Variants in TENM2 observed in about 807,000 individuals in gnomAD.
TENM2 encodes the protein teneurin transmembrane protein 2, also known as teneurin-2.
Under a neutral mutation model 245.2 loss-of-function variants are expected in TENM2, and 52 were observed. The ratio of observed to expected loss-of-function variants is 0.21; its 90% CI spans 0.17 to 0.27. The LOEUF (loss-of-function observed/expected upper bound fraction) is 0.27. TENM2 is among the 10% of genes least tolerant of loss of function. The pLI, the probability that TENM2 is intolerant of heterozygous loss-of-function variation, is 1.00. For synonymous variants in TENM2, 1,363 were observed against 1,438.9 expected, an observed-to-expected ratio of 0.95 and a Z score of 1.19; for missense variants, 3,046 against 3,666.8, an observed-to-expected ratio of 0.83 and a Z score of 4.37.
intron 5 of TENM2, among the ~76,000 whole-genome samples, chr5:168,022,735 T>C (rs941820007): frequency 2.0e-5 from 3 of 152,242 alleles, no homozygotes; most frequent in Non-Finnish European, 4.4e-5. Flanking sequence ...GTATAGTGTT[T>C]CTTTTTATTT....
At chr5:167,063,482 G>T in the TENM2 span, among the ~76,000 whole-genome samples, 1 of 152,186 alleles carries the variant, frequency 6.6e-6, no homozygotes, top group African/African-American at 2.4e-5. Flanking sequence ...ATTTTCAAAT[G>T]TTCTCTAATA....
chr5:168,228,740 C>T (rs1764510565), intron 25 of TENM2, among the ~76,000 whole-genome samples: 1 of 89,284 alleles, frequency 1.1e-5, no homozygotes, highest in Non-Finnish European at 1.8e-5. Flanking sequence ...GAAGATTTCC[C>T]AAGAGGAAGT....
At chr5:168,128,495 T>A (rs1796015788) in intron 12 of TENM2, among the ~76,000 whole-genome samples, 1 of 152,258 alleles carries the variant, frequency 6.6e-6, no homozygotes, top group Non-Finnish European at 1.5e-5. Flanking sequence ...TCCTACTTTC[T>A]TTTAATTCAC....
In TENM2 at chr5:168,244,892, C is replaced by T; in HGVS notation, c.5817+176C>T. ...TCAAGTAATTCTCCTGCCTGTGCCT[C>T]CTGGGTAGCTGTGACTACAGGCACA... On this transcript the variant is annotated intron_variant, in intron 26 of 28. Coordinates refer to ENST00000518659, the Ensembl canonical transcript of TENM2. This position sits in a 1 kb window ranked among gnomAD's most constrained non-coding sequence, Gnocchi z 4.9. Among the ~76,000 whole-genome samples, 1 of 151,948 alleles carries T rather than the reference C, an allele frequency of 6.6e-6. No individual in the cohort carries two copies. The highest frequency in any genetic ancestry group is 1.9e-4 in the East Asian group (1 of 5,162).
At position 167,740,377 on chromosome 5, in the gene TENM2, G is replaced by A. The variant is rs536978365; in HGVS notation, c.503-135609G>A. On this transcript the variant is annotated intron_variant, in intron 2 of 28. Transcript: ENST00000518659. ...CTGAACTACACTGAATAGAACTTGG[G>A]AAACCTCGTGCACCCAGAACTGATA... Among the ~76,000 whole-genome samples, 133 of 152,262 alleles carry A rather than the reference G, an allele frequency of 8.7e-4. No individual in the cohort carries two copies. The Middle Eastern group carries it at 0.01, about 12-fold the overall frequency.
At chr5:167,897,136 CA>C (rs995567043) in intron 3 of TENM2, among the ~76,000 whole-genome samples, 3 of 152,212 alleles carry the variant, frequency 2.0e-5, no homozygotes, top group African/African-American at 7.2e-5. Flanking sequence ...GATTAATCCA[CA>C]CTTTTAGAAT....
At chr5:167,796,165 A>G (rs1014588845) in intron 2 of TENM2, among the ~76,000 whole-genome samples, 11 of 152,204 alleles carry the variant, frequency 7.2e-5, no homozygotes, top group Admixed American at 1.3e-4. Context: ...CTCTGGCACC[A>G]TGGTGGCCTC....
At chr5:167,737,110 C>A (rs916967477) in intron 2 of TENM2, among the ~76,000 whole-genome samples, 1 of 152,190 alleles carries the variant, frequency 6.6e-6, no homozygotes, top group Non-Finnish European at 1.5e-5. Context: ...CCGATCATGT[C>A]CTATTTTTAA....
chr5:168,067,969 G>A (rs368463227), intron 7 of TENM2, among the ~76,000 whole-genome samples: 1 of 152,110 alleles, frequency 6.6e-6, no homozygotes, highest in Non-Finnish European at 1.5e-5. Context: ...AAAGGAGCTC[G>A]AGCTGTAGAG....
chr5:167,925,699 C>T (rs1777701832), intron 3 of TENM2, among the ~76,000 whole-genome samples: 1 of 152,184 alleles, frequency 6.6e-6, no homozygotes, highest in South Asian at 2.1e-4. Context: ...GACATGGAAT[C>T]AACCTAAATG....
intron 2 of TENM2, among the ~76,000 whole-genome samples, chr5:167,682,094 A>ATCCCTCCCTCCC (rs1210507799): frequency 1.1e-5 from 1 of 92,194 alleles, no homozygotes; most frequent in Non-Finnish European, 2.5e-5. Flanking sequence ...TCCTTCCTCC[A>ATCCCTCCCTCCC]TCCCTCCCTC....
At chr5:167,803,070 C>G (rs76737552) in intron 2 of TENM2, among the ~76,000 whole-genome samples, 311 of 152,204 alleles carry the variant, frequency 2.0e-3, no homozygotes, top group Non-Finnish European at 3.8e-3. Flanking sequence ...TTAGGAAGAG[C>G]CTCAGGCACA....
At chr5:167,952,004 G>A (rs1246188391) in intron 3 of TENM2, among the ~76,000 whole-genome samples, 1 of 152,118 alleles carries the variant, frequency 6.6e-6, no homozygotes, top group African/African-American at 2.4e-5. Context: ...CGGCTGCCTT[G>A]AGCTCTCTCC....
At chr5:167,489,420 C>T (rs140851552) in intron 2 of TENM2, among the ~76,000 whole-genome samples, 3 of 152,258 alleles carry the variant, frequency 2.0e-5, no homozygotes, top group Non-Finnish European at 4.4e-5. Context: ...ATTACTCACT[C>T]CCCAGAAAGC....
At chr5:168,137,866 G>T (rs1755193185) in intron 12 of TENM2, among the ~76,000 whole-genome samples, 1 of 152,144 alleles carries the variant, frequency 6.6e-6, no homozygotes, top group Non-Finnish European at 1.5e-5. Context: ...AGAAAGATCA[G>T]TATCTATTCA....
At chr5:167,228,922 G>A in the TENM2 span, among the ~76,000 whole-genome samples, 16 of 152,148 alleles carry the variant, frequency 1.1e-4, no homozygotes, top group Admixed American at 6.5e-4. Context: ...GGATGGTCTC[G>A]ATCTCCTGAC....
Position 167,329,816 on chromosome 5 carries a change from T to C in TENM2, c.226+44753T>C, listed in dbSNP as rs185987942. Among the ~76,000 whole-genome samples, 9 of 152,250 alleles carry C rather than the reference T, an allele frequency of 5.9e-5. 1 individual carries two copies. The highest frequency in any genetic ancestry group is 3.9e-4 in the Admixed American group (6 of 15,298). ...TATGAGTTCTTGCTTATAGTAGTGA[T>C]TACTTTTGGATTTAAAGACATTCTT... On this transcript the variant is annotated intron_variant, in intron 1 of 28. Transcript: ENST00000518659.
chr5:168,031,860 C>G (rs1022183525), intron 5 of TENM2, among the ~76,000 whole-genome samples: 6 of 152,034 alleles, frequency 3.9e-5, no homozygotes, highest in African/African-American at 1.4e-4. Flanking sequence ...TTTCCCAAAG[C>G]CTCACAGCTA....
intron 2 of TENM2, among the ~76,000 whole-genome samples, chr5:167,633,026 A>T (rs1246444969): frequency 2.0e-5 from 3 of 152,242 alleles, no homozygotes; most frequent in African/African-American, 7.2e-5. Context: ...TAGATTTTGT[A>T]CTAAACAACA....
Sources: allele counts gnomAD v4.1 joint callset (sites outside exome capture counted in the v4.1 genomes callset), GRCh38; gene constraint gnomAD v4.1.1; non-coding constraint Gnocchi (gnomAD v3.1); transcripts MANE v1.5; gene names NCBI Gene and HGNC (gene_info 2026-07-23, HGNC 2026-07-21).